The following CACNA1C variants were observed in gnomAD, a reference collection of about 807,000 sequenced individuals.
CACNA1C encodes the protein voltage-dependent L-type calcium channel subunit alpha-1C.
CACNA1C carries 30 observed loss-of-function variants against 229.0 expected under a neutral mutation model. The observed-to-expected ratio is 0.13, with a 90% CI of 0.10 to 0.18. The LOEUF (loss-of-function observed/expected upper bound fraction) is 0.18, where lower values mean the gene tolerates loss of function less well. Ranked by LOEUF, CACNA1C falls within the 10% of genes least tolerant of loss-of-function variation. The pLI is 1.00. For synonymous variants in CACNA1C, 1,114 were observed against 1,132.5 expected (o/e 0.98, Z 0.33); for missense variants, 1,658 against 2,845.0 (o/e 0.58, Z 9.49).
At chr12:1,991,049 T>C (rs2039276114) in intron 1 of CACNA1C, 1 of 454,122 alleles carries the variant, frequency 2.2e-6, no homozygotes, top group Admixed American at 2.4e-5. Flanking sequence ...TCACTCTTTG[T>C]TGTTCAACTG....
At chr12:2,361,679 T>C (rs1214151614) in intron 3 of CACNA1C, among the ~76,000 whole-genome samples, 1 of 152,210 alleles carries the variant, frequency 6.6e-6, no homozygotes, top group East Asian at 1.9e-4. Flanking sequence ...ACTGTCTCCC[T>C]TCAGACATCT....
chr12:2,122,299 G>A (rs929309736), intron 3 of CACNA1C, among the ~76,000 whole-genome samples: 2 of 152,158 alleles, frequency 1.3e-5, no homozygotes, highest in Admixed American at 1.3e-4. Context: ...GTACTTACAG[G>A]GGGTGAACTT....
At chr12:2,255,057 C>T (rs1429753704) in intron 3 of CACNA1C, among the ~76,000 whole-genome samples, 1 of 152,184 alleles carries the variant, frequency 6.6e-6, no homozygotes, top group Non-Finnish European at 1.5e-5. Flanking sequence ...GGGGCTGTGG[C>T]CCTGCAGATG....
At chr12:2,310,239 C>T (rs937832555) in intron 3 of CACNA1C, among the ~76,000 whole-genome samples, 1 of 151,790 alleles carries the variant, frequency 6.6e-6, no homozygotes, top group African/African-American at 2.4e-5. Context: ...AGTCAGGGAC[C>T]CCAACTCAGG....
chr12:2,536,383 G>A (rs989803417), intron 9 of CACNA1C, among the ~76,000 whole-genome samples: 1 of 152,196 alleles, frequency 6.6e-6, no homozygotes, highest in African/African-American at 2.4e-5. Flanking sequence ...CCAAGGGTGG[G>A]CTCCTGGCCT....
At chr12:2,456,683 G>T (rs571841373) in intron 4 of CACNA1C, among the ~76,000 whole-genome samples, 39 of 152,280 alleles carry the variant, frequency 2.6e-4, no homozygotes, top group African/African-American at 9.4e-4. Context: ...CACCTGCAGG[G>T]AGTTCTTTGT....
intron 34 of CACNA1C, among the ~76,000 whole-genome samples, chr12:2,656,341 T>G (rs1023657925): frequency 1.3e-5 from 2 of 152,140 alleles, no homozygotes; most frequent in African/African-American, 4.8e-5. Context: ...CCTTTTACAA[T>G]AGCATCAAAA....
rs2097847816 is a variant in CACNA1C at position 2,697,070 on chromosome 12, C to A, written c.*5871C>A. 1 of 152,240 alleles carries A rather than the reference C, an allele frequency of 6.6e-6. No individual in the cohort carries two copies. Among genetic ancestry groups the A allele is most frequent in the African/African-American group, 2.4e-5 (1 of 41,454 alleles). The allele number at this position is 152,240 out of a possible 1,614,324, so 9.4% of individuals were successfully genotyped here. On this transcript the variant is annotated 3_prime_UTR_variant, in exon 47 of 47. Coordinates refer to ENST00000399655, the MANE Select transcript of CACNA1C (RefSeq NM_000719.7). The stretch of plus-strand genomic sequence containing the variant: ...TGATTTGTAAACACACAGTCCTGTG[C>A]AGAAAGATCCCCTTCAGGAGGTGTC...
rs1211444440 is a variant in CACNA1C at position 2,688,671 on chromosome 12, G to A, written c.6009G>A (p.Gly2003=). The A allele has an allele frequency of 1.2e-6, 2 of 1,613,436 alleles. No homozygotes were observed. Among genetic ancestry groups the A allele is most frequent in the Non-Finnish European group, 1.7e-6 (2 of 1,179,760 alleles). Residue 2003 remains glycine (G), a synonymous_variant, in exon 46 of 47, where the codon GGG becomes GGA. Coordinates refer to ENST00000399655, the MANE Select transcript of CACNA1C (RefSeq NM_000719.7). ...GGGCTGAGACCACCCCCGGTGGCGG[G>A]GGCAGCAGCGCCGCCCGGAGAGTCC... ...GSWAETTPGG[G]GSSAARRVRP...
chr12:2,586,887 T>G (rs1328423350), intron 18 of CACNA1C, among the ~76,000 whole-genome samples: 1 of 152,244 alleles, frequency 6.6e-6, no homozygotes, highest in Non-Finnish European at 1.5e-5. Context: ...AAGGGCGTTT[T>G]CATATGCCCG....
intron 3 of CACNA1C, among the ~76,000 whole-genome samples, chr12:2,321,519 G>T (rs1470884506): frequency 2.6e-5 from 4 of 152,172 alleles, no homozygotes; most frequent in Non-Finnish European, 5.9e-5. Context: ...GTGTCAGGAT[G>T]AATGACTCTA....
chr12:2,641,591 C>G (rs575540558), intron 30 of CACNA1C: 8 of 624,730 alleles, frequency 1.3e-5, no homozygotes, highest in Non-Finnish European at 2.3e-5. Context: ...AGCCCCCACC[C>G]CCAACAAACC....
At chr12:2,386,265 T>C (rs1230462237) in intron 3 of CACNA1C, among the ~76,000 whole-genome samples, 3 of 152,194 alleles carry the variant, frequency 2.0e-5, no homozygotes, top group African/African-American at 7.2e-5. Flanking sequence ...CTGATATCAC[T>C]GGCTGCGGCT....
intron 3 of CACNA1C, among the ~76,000 whole-genome samples, chr12:2,334,153 T>C (rs55967161): frequency 3.3e-5 from 5 of 152,218 alleles, no homozygotes; most frequent in Non-Finnish European, 2.9e-5. Flanking sequence ...TCCTTCAGGT[T>C]ACCCCCACCT....
In CACNA1C at chr12:2,194,210, T is replaced by TTCC. The variant is rs371710456; in HGVS notation, c.477+73791_477+73793dup. 5.4e-3 allele frequency among the ~76,000 whole-genome samples: 730 copies of TTCC among 135,442 alleles called. 7 individuals are homozygous for TTCC. Among genetic ancestry groups the TTCC allele is most frequent in the Middle Eastern group, 0.019 (5 of 270 alleles). 88.9% of individuals were successfully genotyped at this position (135,442 alleles called of 152,430 possible). On this transcript the variant is annotated intron_variant, in intron 3 of 46. Transcript: ENST00000399655. ...TCTTCCCCTCCTGCTCCCCCCTGTG[T>TTCC]TCCTCCTCCTCCTTCTACTCCTTTT...
chr12:2,673,099 C>T (rs775643439), intron 38 of CACNA1C, among the ~76,000 whole-genome samples: 1 of 152,194 alleles, frequency 6.6e-6, no homozygotes, highest in Non-Finnish European at 1.5e-5. Context: ...ACTGGACTGC[C>T]GGTCCTATGC....
intron 1 of CACNA1C, among the ~76,000 whole-genome samples, chr12:2,014,653 C>A (rs1461342015): frequency 6.6e-6 from 1 of 152,190 alleles, no homozygotes; most frequent in South Asian, 2.1e-4. Context: ...GCTCCAGTTT[C>A]TTTACATGAA....
At chr12:2,017,543 G>A (rs996407938) in intron 1 of CACNA1C, among the ~76,000 whole-genome samples, 5 of 152,144 alleles carry the variant, frequency 3.3e-5, no homozygotes, top group Non-Finnish European at 7.4e-5. Flanking sequence ...GTTTTTCACA[G>A]GGAGTGAGGG....
chr12:2,069,846 G>A (rs138460124), intron 1 of CACNA1C, among the ~76,000 whole-genome samples: 197 of 152,210 alleles, frequency 1.3e-3, no homozygotes, highest in African/African-American at 4.4e-3. Context: ...TTGAGACGGC[G>A]TCACTCTGTT....
Sources: allele counts gnomAD v4.1 joint callset (sites outside exome capture counted in the v4.1 genomes callset), GRCh38; gene constraint gnomAD v4.1.1; transcripts MANE v1.5; gene names NCBI Gene and HGNC (gene_info 2026-07-23, HGNC 2026-07-21).